KCNIP4: variants seen among roughly 807,000 people sequenced by gnomAD.
The protein encoded by KCNIP4 is Kv channel-interacting protein 4.
In KCNIP4, 12 loss-of-function variants were observed where a neutral mutation model predicts 34.0. The observed-to-expected ratio is 0.35, with a 90% CI of 0.23 to 0.57. The LOEUF is 0.57. Ranked by LOEUF, KCNIP4 falls within the 20% of genes least tolerant of loss-of-function variation. The pLI is 0.83. For missense variants in KCNIP4, 238 were observed against 311.7 expected, an observed-to-expected ratio of 0.76 and a Z score of 1.78; for synonymous variants, 124 against 102.2, an observed-to-expected ratio of 1.21 and a Z score of -1.29.
rs1717386402 is a variant in KCNIP4 at position 20,823,715 on chromosome 4, G to A, written c.288+26828C>T. On this transcript the variant is annotated intron_variant, in intron 3 of 8. Coordinates refer to ENST00000382152, the MANE Select transcript of KCNIP4 (RefSeq NM_025221.6). The stretch of plus-strand genomic sequence containing the variant: ...CTCCAGAACTATGATCAATAAATTT[G>A]TTGTTTAAGCCACCCACTCCATAGT... 2.0e-5 allele frequency among the ~76,000 whole-genome samples: 3 copies of A among 152,120 alleles called. No homozygotes were observed. The South Asian group carries it at 6.2e-4, about 31-fold the overall frequency.
At chr4:21,794,719 A>C (rs1720514120) in intron 1 of KCNIP4, among the ~76,000 whole-genome samples, 1 of 152,092 alleles carries the variant, frequency 6.6e-6, no homozygotes, top group South Asian at 2.1e-4. Context: ...CTCTACTAAA[A>C]ATACAAAAAA....
At chr4:20,984,172 C>G (rs941353057) in intron 1 of KCNIP4, 5 of 521,730 alleles carry the variant, frequency 9.6e-6, no homozygotes, top group South Asian at 2.2e-5. Context: ...CCACAGCGCA[C>G]GGACCTCTCC....
At chr4:21,171,296 T>G (rs1474872351) in intron 1 of KCNIP4, among the ~76,000 whole-genome samples, 2 of 152,152 alleles carry the variant, frequency 1.3e-5, no homozygotes, top group African/African-American at 2.4e-5. Flanking sequence ...GTTGACAAGC[T>G]GCTAGACAAA....
At chr4:20,842,502 C>T (rs1417743149) in intron 3 of KCNIP4, among the ~76,000 whole-genome samples, 1 of 137,414 alleles carries the variant, frequency 7.3e-6, no homozygotes, top group Non-Finnish European at 1.5e-5. Flanking sequence ...GCATCTAACC[C>T]AATATCTGAC....
At chr4:21,642,749 A>G (rs1191750847) in intron 1 of KCNIP4, among the ~76,000 whole-genome samples, 1 of 152,046 alleles carries the variant, frequency 6.6e-6, no homozygotes, top group African/African-American at 2.4e-5. Flanking sequence ...CATGCCTCTG[A>G]ATCAACAAGC....
At chr4:21,732,606 C>A (rs1362057820) in intron 1 of KCNIP4, among the ~76,000 whole-genome samples, 1 of 152,134 alleles carries the variant, frequency 6.6e-6, no homozygotes, top group African/African-American at 2.4e-5. Flanking sequence ...TTCACTGATG[C>A]CTCCCAGAGC....
chr4:21,541,665 C>T (rs1737705009), intron 1 of KCNIP4, among the ~76,000 whole-genome samples: 2 of 152,094 alleles, frequency 1.3e-5, no homozygotes, highest in Admixed American at 1.3e-4. Context: ...CTTTTCAAGA[C>T]AGGGTCTCAC....
chr4:20,735,513 T>G (rs1017600168), intron 5 of KCNIP4, among the ~76,000 whole-genome samples: 5 of 145,954 alleles, frequency 3.4e-5, no homozygotes, highest in African/African-American at 1.0e-4. Flanking sequence ...TTAAATTCAT[T>G]TAGTGTTTTT....
chr4:21,182,539 A>G (rs1754918145), intron 1 of KCNIP4, among the ~76,000 whole-genome samples: 1 of 151,676 alleles, frequency 6.6e-6, no homozygotes, highest in South Asian at 2.1e-4. Context: ...GTCATGAAGT[A>G]TGGGCTTTCC....
At chr4:21,559,670 T>C (rs1739363240) in intron 1 of KCNIP4, among the ~76,000 whole-genome samples, 1 of 152,100 alleles carries the variant, frequency 6.6e-6, no homozygotes, top group Non-Finnish European at 1.5e-5. Flanking sequence ...AAGAAAATGA[T>C]TAATGTCAAC....
intron 5 of KCNIP4, among the ~76,000 whole-genome samples, chr4:20,748,045 C>G (rs1752738550): frequency 6.6e-6 from 1 of 152,142 alleles, no homozygotes; most frequent in African/African-American, 2.4e-5. Context: ...CAGACCCTGT[C>G]TGCACTCTTG....
At chr4:20,959,631 A>G (rs1202466733) in intron 1 of KCNIP4, among the ~76,000 whole-genome samples, 1 of 152,218 alleles carries the variant, frequency 6.6e-6, no homozygotes, top group Admixed American at 6.5e-5. Flanking sequence ...CAGCTCCAGT[A>G]AACAGTTAGT....
rs1301651269 is a variant in KCNIP4 at position 21,255,323 on chromosome 4, C to A, written c.62-372614G>T. On this transcript the variant is annotated intron_variant, in intron 1 of 8. Transcript: ENST00000382152. Reference sequence around the variant, plus strand: ...AAGTAATAACAGCTAAGTTTAAAAGCCGTGTTGCTTCTTCTTTCTTAAATA... The same window carrying A: ...AAGTAATAACAGCTAAGTTTAAAAGACGTGTTGCTTCTTCTTTCTTAAATA... 4.6e-5 allele frequency among the ~76,000 whole-genome samples: 7 copies of A among 152,208 alleles called. No individual in the cohort carries two copies. The East Asian group carries it at 9.7e-4, about 21-fold the overall frequency.
chr4:21,427,699 C>A (rs1327961084), intron 1 of KCNIP4, among the ~76,000 whole-genome samples: 1 of 152,138 alleles, frequency 6.6e-6, no homozygotes, highest in East Asian at 1.9e-4. Context: ...AAGATGAATA[C>A]AGTAGAAGGA....
At chr4:21,552,486 G>GA (rs1290316682) in intron 1 of KCNIP4, among the ~76,000 whole-genome samples, 1 of 152,116 alleles carries the variant, frequency 6.6e-6, no homozygotes, top group African/African-American at 2.4e-5. Context: ...CATCCCAAGA[G>GA]AAAATATAGA....
At chr4:20,942,535 A>G (rs1231222692) in intron 1 of KCNIP4, among the ~76,000 whole-genome samples, 1 of 152,196 alleles carries the variant, frequency 6.6e-6, no homozygotes, top group Non-Finnish European at 1.5e-5. Context: ...CCACCACACA[A>G]CTATGACGTA....
chr4:21,175,688 C>G (rs1754354436), intron 1 of KCNIP4, among the ~76,000 whole-genome samples: 1 of 152,126 alleles, frequency 6.6e-6, no homozygotes. Flanking sequence ...ACTGAGAAGA[C>G]TACTAAGTGA....
chr4:21,754,685 G>A (rs1717386049), intron 1 of KCNIP4, among the ~76,000 whole-genome samples: 1 of 152,096 alleles, frequency 6.6e-6, no homozygotes, highest in African/African-American at 2.4e-5. Context: ...ATGTCTAATA[G>A]TAGAAGCTTC....
intron 1 of KCNIP4, among the ~76,000 whole-genome samples, chr4:21,093,810 C>G (rs896150034): frequency 6.6e-6 from 1 of 152,118 alleles, no homozygotes; most frequent in South Asian, 2.1e-4. Flanking sequence ...TGGCCAGGCA[C>G]GTTGGCTGAC....
Sources: allele counts gnomAD v4.1 joint callset (sites outside exome capture counted in the v4.1 genomes callset), GRCh38; gene constraint gnomAD v4.1.1; transcripts MANE v1.5; gene names NCBI Gene and HGNC (gene_info 2026-07-23, HGNC 2026-07-21).